PTN: variants seen among roughly 807,000 people sequenced by gnomAD.
PTN encodes the protein pleiotrophin, also known as heparin affin regulatory protein.
A neutral mutation model predicts 24.1 loss-of-function variants in PTN; 18 were observed. The ratio of observed to expected loss-of-function variants is 0.75; its 90% CI spans 0.52 to 1.11. PTN has a LOEUF of 1.11. Ranked by LOEUF, PTN falls within the 50% of genes least tolerant of loss-of-function variation. The pLI, the probability that PTN is intolerant of heterozygous loss-of-function variation, is 0.00. For synonymous variants in PTN, 78 were observed against 68.6 expected (o/e 1.14, Z -0.67); for missense variants, 163 against 198.8 (o/e 0.82, Z 1.08).
chr7:137,245,526 T>C (rs2128869920), intron 4 of PTN, among the ~76,000 whole-genome samples: 1 of 152,346 alleles, frequency 6.6e-6, no homozygotes, highest in African/African-American at 2.4e-5. Flanking sequence ...TTGAGAGTGA[T>C]AATAAATGGC....
chr7:137,283,952 A>ATTTTTTTTTTTTTTTTTTTTTTTTTT (rs753374720), intron 1 of PTN, among the ~76,000 whole-genome samples: 2 of 48,912 alleles, frequency 4.1e-5, no homozygotes, highest in Non-Finnish European at 6.7e-5. Context: ...TGAGCATCAG[A>ATTTTTTTTTTTTTTTTTTTTTTTTTT]TTTTTTTTTT....
chr7:137,297,397 G>C (rs1563216008), intron 1 of PTN, among the ~76,000 whole-genome samples: 1 of 152,066 alleles, frequency 6.6e-6, no homozygotes, highest in Non-Finnish European at 1.5e-5. Flanking sequence ...CCCAGCAAGA[G>C]GTAGATGGCA....
At chr7:137,244,374 A>ATTTTTTTTTTTTTTTTTT (rs1242182641) in intron 4 of PTN, among the ~76,000 whole-genome samples, 1 of 131,166 alleles carries the variant, frequency 7.6e-6, no homozygotes. Context: ...TCTCCTCAGA[A>ATTTTTTTTTTTTTTTTTT]TTTTTTTTTT....
intron 1 of PTN, among the ~76,000 whole-genome samples, chr7:137,321,910 A>T (rs2128881218): frequency 6.6e-6 from 1 of 152,328 alleles, no homozygotes; most frequent in East Asian, 1.9e-4. Context: ...AAAGTTTAAT[A>T]TTGATATTTA....
At chr7:137,280,691 T>TAACAAAAAAAAAAAAAAAAA (rs760779128) in intron 1 of PTN, among the ~76,000 whole-genome samples, 10 of 14,750 alleles carry the variant, frequency 6.8e-4, no homozygotes, top group African/African-American at 9.0e-4. Context: ...CCGTCTCTAC[T>TAACAAAAAAAAAAAAAAAAA]AAAAATACAA....
intron 4 of PTN, among the ~76,000 whole-genome samples, chr7:137,241,456 C>A (rs368948924): frequency 5.3e-5 from 8 of 152,150 alleles, no homozygotes; most frequent in South Asian, 4.1e-4. Flanking sequence ...CACCATAATT[C>A]TCCTTTTGCC....
intron 1 of PTN, among the ~76,000 whole-genome samples, chr7:137,280,699 C>CAAAAAGAA (rs1172078589): frequency 4.5e-5 from 2 of 44,348 alleles, no homozygotes; most frequent in African/African-American, 1.8e-4. Flanking sequence ...ACTAAAAATA[C>CAAAAAGAA]AAAAAAAAAA....
At chr7:137,240,942 A>C (rs2128869123) in intron 4 of PTN, among the ~76,000 whole-genome samples, 1 of 152,342 alleles carries the variant, frequency 6.6e-6, no homozygotes, top group South Asian at 2.1e-4. Flanking sequence ...TGCTATAAAG[A>C]CATTACCTGA....
At chr7:137,272,620 T>C (rs1809293565) in intron 1 of PTN, among the ~76,000 whole-genome samples, 2 of 152,222 alleles carry the variant, frequency 1.3e-5, no homozygotes, top group Non-Finnish European at 2.9e-5. Context: ...TCTAGACCAT[T>C]ATATTTAGTA....
intron 1 of PTN, among the ~76,000 whole-genome samples, chr7:137,328,702 C>T (rs185253885): frequency 2.0e-4 from 30 of 152,232 alleles, no homozygotes; most frequent in African/African-American, 5.3e-4. Flanking sequence ...GTACTCCCAG[C>T]GGTCCCTTTC....
chr7:137,321,937 T>C (rs1266486204), intron 1 of PTN, among the ~76,000 whole-genome samples: 1 of 152,180 alleles, frequency 6.6e-6, no homozygotes, highest in Admixed American at 6.6e-5. Context: ...AAAAATACAG[T>C]GTACAATAAG....
chr7:137,284,256 G>C (rs114460038), intron 1 of PTN, among the ~76,000 whole-genome samples: 2 of 151,720 alleles, frequency 1.3e-5, no homozygotes, highest in African/African-American at 2.4e-5. Context: ...GCGCCGGGCC[G>C]AGCATCATAT....
chr7:137,341,298 G>C (rs552579855), intron 1 of PTN, among the ~76,000 whole-genome samples: 1 of 152,214 alleles, frequency 6.6e-6, no homozygotes, highest in South Asian at 2.1e-4. Context: ...CCATTGGCTT[G>C]ACTGAAATTT....
intron 4 of PTN, among the ~76,000 whole-genome samples, chr7:137,237,242 AC>A (rs1808538803): frequency 6.6e-6 from 1 of 152,160 alleles, no homozygotes; most frequent in Non-Finnish European, 1.5e-5. Context: ...GAACACAGAC[AC>A]ATATAGTGAG....
chr7:137,310,015 AGCCTGC>A (rs1809953243), intron 1 of PTN, among the ~76,000 whole-genome samples: 1 of 152,214 alleles, frequency 6.6e-6, no homozygotes, highest in African/African-American at 2.4e-5. Flanking sequence ...TGGCAGCTAT[AGCCTGC>A]AAAATGTATT....
chr7:137,328,311 G>T (rs1810295497), intron 1 of PTN, among the ~76,000 whole-genome samples: 1 of 152,120 alleles, frequency 6.6e-6, no homozygotes. Flanking sequence ...AATCATAAAA[G>T]ACATTTTAGA....
chr7:137,284,583 T>G (rs777356698), intron 1 of PTN, among the ~76,000 whole-genome samples: 1 of 152,184 alleles, frequency 6.6e-6, no homozygotes, highest in Non-Finnish European at 1.5e-5. Context: ...AGTGATTTTA[T>G]TGCCATAGAG....
chr7:137,339,265 A>G (rs1810495421), intron 1 of PTN, among the ~76,000 whole-genome samples: 1 of 152,148 alleles, frequency 6.6e-6, no homozygotes, highest in African/African-American at 2.4e-5. Flanking sequence ...ACCACGTACC[A>G]AACACAAAGT....
At chr7:137,257,995 GCA>G (rs1285177279) in intron 1 of PTN, among the ~76,000 whole-genome samples, 2 of 152,108 alleles carry the variant, frequency 1.3e-5, no homozygotes, top group Non-Finnish European at 2.9e-5. Flanking sequence ...ACACACACAT[GCA>G]CACACAGAGT....
Sources: gnomAD v4.1 joint callset for allele counts (sites outside exome capture counted in the v4.1 genomes callset) on GRCh38, gnomAD v4.1.1 for gene constraint, MANE v1.5 for transcripts, NCBI Gene and HGNC (gene_info 2026-07-23, HGNC 2026-07-21) for gene names.